Variants in DMD observed in about 807,000 individuals in gnomAD.
DMD encodes mutant dystrophin.
In DMD, 63 loss-of-function variants were observed where a neutral mutation model predicts 330.1. The ratio of observed to expected loss-of-function variants is 0.19; its 90% CI spans 0.16 to 0.24. DMD has a LOEUF of 0.24. Ranked by LOEUF, DMD falls within the 10% of genes least tolerant of loss-of-function variation. DMD has a pLI of 1.00. For synonymous variants in DMD, 1,223 were observed against 959.8 expected (o/e 1.27, Z -5.07); for missense variants, 3,344 against 2,684.1 (o/e 1.25, Z -5.43).
intron 55 of DMD, among the ~76,000 whole-genome samples, chrX:31,531,698 A>G (rs766479584): frequency 9.2e-6 from 1 of 109,218 alleles, no homozygotes; most frequent in African/African-American, 3.4e-5. Context: ...CCATTTGTCA[A>G]TTTTGGCTTT....
At chrX:31,981,261 G>A (rs908336813) in intron 44 of DMD, among the ~76,000 whole-genome samples, 4 of 111,467 alleles carry the variant, frequency 3.6e-5, no homozygotes, top group Admixed American at 2.9e-4. Flanking sequence ...AGGAAAAAGC[G>A]TAGAGATTCA....
At chrX:31,440,872 T>A (rs2064890415) in intron 60 of DMD, among the ~76,000 whole-genome samples, 1 of 112,430 alleles carries the variant, frequency 8.9e-6, no homozygotes, top group African/African-American at 3.2e-5. Flanking sequence ...AGATTCAAAG[T>A]CAGTTTGGAA....
intron 60 of DMD, among the ~76,000 whole-genome samples, chrX:31,348,982 A>G (rs1206210489): frequency 8.9e-6 from 1 of 112,236 alleles, no homozygotes; most frequent in Non-Finnish European, 1.9e-5. Flanking sequence ...GGAGGGTGAC[A>G]TTTGGTATAG....
At chrX:32,316,309 G>T (rs1012073757) in intron 41 of DMD, among the ~76,000 whole-genome samples, 1 of 111,614 alleles carries the variant, frequency 9.0e-6, no homozygotes, top group Admixed American at 9.5e-5. Flanking sequence ...TGATAATTAA[G>T]TAATCTTTCA....
chrX:32,552,018 G>GA (rs1012265500), intron 16 of DMD, among the ~76,000 whole-genome samples: 1 of 111,888 alleles, frequency 8.9e-6, no homozygotes, highest in African/African-American at 3.2e-5. Context: ...GCTCATGGAA[G>GA]AATCAATATT....
At chrX:32,518,334 C>T (rs1226214058) in intron 17 of DMD, among the ~76,000 whole-genome samples, 1 of 110,823 alleles carries the variant, frequency 9.0e-6, no homozygotes, top group East Asian at 2.9e-4. Context: ...CTTATGATCA[C>T]AGAGGTCATT....
chrX:31,252,967 G>A (rs1405347419), intron 63 of DMD, among the ~76,000 whole-genome samples: 1 of 108,557 alleles, frequency 9.2e-6, no homozygotes, highest in African/African-American at 3.4e-5. Context: ...CTCCAGCCTG[G>A]CGACAGAGTG....
At position 32,554,965 on chromosome X, in the gene DMD, AAG is replaced by A. The variant is rs201281719; in HGVS notation, c.1993-9633_1993-9632del. On this transcript the variant is annotated intron_variant, in intron 16 of 78. Coordinates refer to ENST00000357033, the MANE Select transcript of DMD (RefSeq NM_004006.3). ...AGAGAGAGAGAGGGAGAGAGAAAGAAAGAGAGAGAGAGAGAGAGAAAGAAAGA... is the reference window on the plus strand; with the variant it reads ...AGAGAGAGAGAGGGAGAGAGAAAGAAAGAGAGAGAGAGAGAGAAAGAAAGA... 4.8e-4 allele frequency among the ~76,000 whole-genome samples: 46 copies of A among 96,628 alleles called. 1 individual carries two copies. Among genetic ancestry groups the A allele is most frequent in the African/African-American group, 1.2e-3 (31 of 26,801 alleles). 83.9% of individuals were successfully genotyped at this position (96,628 alleles called of 115,157 possible). A position where few individuals can be genotyped will look rare whatever the true frequency, so the allele number is the denominator to read the frequency against.
At chrX:32,687,252 T>A (rs184987826) in intron 9 of DMD, among the ~76,000 whole-genome samples, 6 of 112,079 alleles carry the variant, frequency 5.4e-5, no homozygotes, top group Non-Finnish European at 1.1e-4. Flanking sequence ...TGAACACCTG[T>A]TAGGCACCAT....
intron 1 of DMD, among the ~76,000 whole-genome samples, chrX:33,102,910 A>T (rs1056370932): frequency 5.4e-5 from 6 of 112,010 alleles, no homozygotes; most frequent in African/African-American, 1.9e-4. Flanking sequence ...CACATACTTA[A>T]ACCCGTAAAT....
At chrX:32,958,281 G>T (rs2091709730) in intron 2 of DMD, among the ~76,000 whole-genome samples, 1 of 111,592 alleles carries the variant, frequency 9.0e-6, no homozygotes. Flanking sequence ...GTTTTAAAAA[G>T]CAAAGGGCAA....
intron 67 of DMD, among the ~76,000 whole-genome samples, chrX:31,185,906 T>C (rs2070187086): frequency 1.8e-5 from 2 of 112,097 alleles, no homozygotes; most frequent in Non-Finnish European, 3.8e-5. Flanking sequence ...CCAAGAAGCA[T>C]TACTTATTCC....
chrX:32,493,754 T>A (rs1403287499), intron 19 of DMD, among the ~76,000 whole-genome samples: 3 of 111,950 alleles, frequency 2.7e-5, no homozygotes, highest in South Asian at 7.4e-4. Context: ...CTGGACAGAA[T>A]TTTTAAATTA....
chrX:33,144,012 G>T (rs1384578596), intron 1 of DMD, among the ~76,000 whole-genome samples: 2 of 111,352 alleles, frequency 1.8e-5, no homozygotes, highest in Non-Finnish European at 3.8e-5. Flanking sequence ...TCTGTTAAAT[G>T]GATTCCTCTT....
chrX:31,680,373 CTTTCT>C (rs1262594223), intron 52 of DMD, among the ~76,000 whole-genome samples: 1 of 109,570 alleles, frequency 9.1e-6, no homozygotes, highest in African/African-American at 3.3e-5. Flanking sequence ...TCTTCTTTTT[CTTTCT>C]TTTTTTTTTT....
At chrX:32,538,751 C>A (rs1170154394) in intron 17 of DMD, among the ~76,000 whole-genome samples, 1 of 111,316 alleles carries the variant, frequency 9.0e-6, no homozygotes, top group Non-Finnish European at 1.9e-5. Context: ...GGCACCACTC[C>A]ACGCCTATTA....
At chrX:31,331,734 C>A (rs765990368) in intron 61 of DMD, among the ~76,000 whole-genome samples, 4 of 112,035 alleles carry the variant, frequency 3.6e-5, no homozygotes, top group Admixed American at 2.8e-4. Context: ...TCGCCAGGTG[C>A]CTTTACTGTC....
intron 37 of DMD, 43 bp downstream of exon 37, chrX:32,362,745 G>A: frequency 2.5e-6 from 3 of 1,199,694 alleles, no homozygotes; most frequent in Non-Finnish European, 3.4e-6. Context: ...CTTCGCAAGA[G>A]ACCATTTAGC....
chrX:32,637,127 AC>A (rs2059154709), intron 11 of DMD, among the ~76,000 whole-genome samples: 1 of 112,317 alleles, frequency 8.9e-6, no homozygotes, highest in South Asian at 3.7e-4. Flanking sequence ...GGAGCCAAGG[AC>A]AAATATGAAT....
Sources: gnomAD v4.1 joint callset for allele counts (sites outside exome capture counted in the v4.1 genomes callset) on GRCh38, gnomAD v4.1.1 for gene constraint, MANE v1.5 for transcripts, NCBI Gene and HGNC (gene_info 2026-07-23, HGNC 2026-07-21) for gene names.